LRGUK: variants seen among roughly 807,000 people sequenced by gnomAD.
LRGUK encodes the protein leucine rich repeats and guanylate kinase domain containing.
LRGUK carries 65 observed loss-of-function variants against 76.0 expected under a neutral mutation model. That is an observed-to-expected ratio of 0.85 (90% confidence interval 0.70 to 1.05). The LOEUF (loss-of-function observed/expected upper bound fraction) is 1.05, where lower values mean the gene tolerates loss of function less well. Ranked by LOEUF, LRGUK falls within the 50% of genes least tolerant of loss-of-function variation. LRGUK has a pLI of 0.00. For synonymous variants in LRGUK, 268 were observed against 265.6 expected, an observed-to-expected ratio of 1.01 and a Z score of -0.09; for missense variants, 758 against 732.8, an observed-to-expected ratio of 1.03 and a Z score of -0.40.
intron 15 of LRGUK, among the ~76,000 whole-genome samples, chr7:134,206,350 A>T (rs1801007338): frequency 6.6e-6 from 1 of 152,144 alleles, no homozygotes; most frequent in South Asian, 2.1e-4. Context: ...TCCCGTCTCT[A>T]CTAAAAATAC....
At chr7:134,274,231 G>A in the LRGUK span, among the ~76,000 whole-genome samples, 1 of 152,146 alleles carries the variant, frequency 6.6e-6, no homozygotes, top group African/African-American at 2.4e-5. Context: ...CTACCATATT[G>A]GACAGTGAAA....
intron 19 of LRGUK, among the ~76,000 whole-genome samples, chr7:134,262,895 C>T (rs773297765): frequency 6.1e-4 from 89 of 146,262 alleles, no homozygotes; most frequent in Middle Eastern, 3.6e-3. Flanking sequence ...CATTTGAACC[C>T]GGGAGGTGGA....
At chr7:134,191,365 T>A (rs921098884) in intron 11 of LRGUK, among the ~76,000 whole-genome samples, 1 of 152,210 alleles carries the variant, frequency 6.6e-6, no homozygotes, top group Non-Finnish European at 1.5e-5. Context: ...AGTATTGATT[T>A]ACTTCTTAAA....
Position 134,170,540 on chromosome 7 carries a change from C to T in LRGUK, c.940-4016C>T, listed in dbSNP as rs1352739521. On this transcript the variant is annotated intron_variant, in intron 7 of 15. Transcript: ENST00000645682. ...AGAATAACTAAAAGAGTAGAATTGT[C>T]ACATTTCTAACACAAAGAAATAATA... 3.3e-5 allele frequency among the ~76,000 whole-genome samples: 5 copies of T among 152,134 alleles called. No homozygotes were observed. In the East Asian group the frequency reaches 9.6e-4, roughly 29 times the overall value.
chr7:134,151,087 C>T (rs1031839684), intron 5 of LRGUK, among the ~76,000 whole-genome samples: 1 of 152,126 alleles, frequency 6.6e-6, no homozygotes, highest in Admixed American at 6.5e-5. Flanking sequence ...ACTTCTTTCT[C>T]TCCTGTTCTG....
At chr7:134,135,195 C>G (rs1423430720) in intron 1 of LRGUK, among the ~76,000 whole-genome samples, 1 of 152,112 alleles carries the variant, frequency 6.6e-6, no homozygotes, top group African/African-American at 2.4e-5. Flanking sequence ...ATGCAGGCCA[C>G]TTAGGGGAAA....
At chr7:134,151,841 C>T (rs965068615) in intron 5 of LRGUK, among the ~76,000 whole-genome samples, 1 of 152,078 alleles carries the variant, frequency 6.6e-6, no homozygotes, top group Non-Finnish European at 1.5e-5. Flanking sequence ...AAATCCAGCT[C>T]TCATTCACAA....
At chr7:134,144,157 T>G (rs949868066) in intron 4 of LRGUK, among the ~76,000 whole-genome samples, 2 of 152,122 alleles carry the variant, frequency 1.3e-5, no homozygotes, top group Non-Finnish European at 2.9e-5. Context: ...CCTCCTGGGC[T>G]CAAGTGATCC....
downstream of LRGUK, among the ~76,000 whole-genome samples, chr7:134,265,520 A>G (rs1222013729): frequency 2.0e-5 from 3 of 152,114 alleles, no homozygotes; most frequent in African/African-American, 4.8e-5. Context: ...GCGAAAGCCC[A>G]CTCTCTCCAG....
intron 6 of LRGUK, among the ~76,000 whole-genome samples, chr7:134,161,195 G>A (rs908886326): frequency 6.6e-6 from 1 of 152,118 alleles, no homozygotes; most frequent in Non-Finnish European, 1.5e-5. Flanking sequence ...AAGCATTTCA[G>A]AGTTCTTTAG....
intron 5 of LRGUK, among the ~76,000 whole-genome samples, chr7:134,155,285 A>C (rs996333320): frequency 1.3e-5 from 2 of 152,206 alleles, no homozygotes; most frequent in Admixed American, 6.5e-5. Flanking sequence ...CCGTATCTAC[A>C]AAGATCTGGT....
chr7:134,262,970 C>CAAA (rs3030443), intron 19 of LRGUK, among the ~76,000 whole-genome samples: 109 of 89,902 alleles, frequency 1.2e-3, no homozygotes, highest in African/African-American at 4.5e-3. Context: ...GACCTGGTCT[C>CAAA]AAAAAAAAAA....
At chr7:134,257,042 T>A (rs961386566) in intron 18 of LRGUK, among the ~76,000 whole-genome samples, 1 of 152,154 alleles carries the variant, frequency 6.6e-6, no homozygotes, top group Non-Finnish European at 1.5e-5. Context: ...CGTGTCCACC[T>A]TTCTGTCAGG....
chr7:134,142,089 A>T (rs1349688413), intron 3 of LRGUK, among the ~76,000 whole-genome samples: 1 of 152,132 alleles, frequency 6.6e-6, no homozygotes, highest in African/African-American at 2.4e-5. Flanking sequence ...TGCCACTTGG[A>T]GAAAGGTAGA....
At chr7:134,217,154 T>C (rs1158277734) in intron 15 of LRGUK, among the ~76,000 whole-genome samples, 2 of 91,900 alleles carry the variant, frequency 2.2e-5, no homozygotes, top group Non-Finnish European at 1.9e-5. Context: ...ATACTCATCC[T>C]TTTTTTTTTT....
At chr7:134,178,709 A>T in intron 10 of LRGUK, 100 bp downstream of exon 10, 1 of 778,530 alleles carries the variant, frequency 1.3e-6, no homozygotes, top group Non-Finnish European at 2.0e-6. Context: ...TTTATTTCCT[A>T]TAAAGGCTGC....
In LRGUK at chr7:134,148,337, A is replaced by G. The variant is rs769468103; in HGVS notation, c.670+18A>G. 18 of 1,413,108 alleles carry G rather than the reference A, an allele frequency of 1.3e-5. No homozygotes were observed. The Middle Eastern group carries it at 7.3e-4, about 57-fold the overall frequency. 87.5% of individuals were successfully genotyped at this position (1,413,108 alleles called of 1,614,324 possible). ...TTTGGATGGTATCCTTTGAATAAGT[A>G]AAGGGGAAAATTTTAAAAACAATAT... is the stretch of plus-strand genomic sequence containing the variant. On this transcript the variant is annotated intron_variant, in intron 5 of 15. Coordinates refer to ENST00000645682, the Ensembl canonical transcript of LRGUK.
intron 1 of LRGUK, among the ~76,000 whole-genome samples, 167 bp downstream of exon 1, chr7:134,127,831 C>A (rs1248380740): frequency 6.6e-6 from 1 of 151,432 alleles, no homozygotes; most frequent in East Asian, 1.9e-4. Context: ...CTGTCTTTTA[C>A]CCCGTTTTCT....
intron 16 of LRGUK, among the ~76,000 whole-genome samples, chr7:134,229,927 A>G (rs1801852139): frequency 6.6e-6 from 1 of 152,316 alleles, no homozygotes; most frequent in South Asian, 2.1e-4. Flanking sequence ...AAGCAAAATA[A>G]TAATAGTTCA....
Sources: gnomAD v4.1 joint callset for allele counts (sites outside exome capture counted in the v4.1 genomes callset) on GRCh38, gnomAD v4.1.1 for gene constraint, MANE v1.5 for transcripts, NCBI Gene and HGNC (gene_info 2026-07-23, HGNC 2026-07-21) for gene names.